MMD2: variants seen among roughly 807,000 people sequenced by gnomAD.
MMD2 encodes the protein monocyte to macrophage differentiation factor 2.
MMD2 carries 30 observed loss-of-function variants against 33.5 expected under a neutral mutation model. The ratio of observed to expected loss-of-function variants is 0.90; its 90% CI spans 0.67 to 1.22. MMD2 has a LOEUF of 1.22. Among genes scored for constraint, MMD2 ranks in the 50% most tolerant of loss-of-function variants. The probability of loss-of-function intolerance (pLI) is 0.00; values close to 1 mark genes in which losing one functional copy is unlikely to be tolerated. For synonymous variants in MMD2, 129 were observed against 123.0 expected, an observed-to-expected ratio of 1.05 and a Z score of -0.32; for missense variants, 364 against 325.4, an observed-to-expected ratio of 1.12 and a Z score of -0.91.
Position 4,959,149 on chromosome 7 carries a change from G to A in MMD2, c.-132C>T. On this transcript the variant is annotated 5_prime_UTR_variant, in exon 1 of 7. Transcript: ENST00000401401. Reference sequence around the variant, plus strand: ...GCCAAGGGGACCTGGTCGGCGCCCGGAGCCGGAGCCGGAGCCCGAGCCGGA... The same window carrying A: ...GCCAAGGGGACCTGGTCGGCGCCCGAAGCCGGAGCCGGAGCCCGAGCCGGA... The A allele has an allele frequency of 1.6e-6, 1 of 607,816 alleles. No individual in the cohort carries two copies. The highest frequency in any genetic ancestry group is 2.3e-6 in the Non-Finnish European group (1 of 429,228). 37.7% of individuals were successfully genotyped at this position (607,816 alleles called of 1,614,324 possible).
chr7:4,931,522 A>G (rs950363530), intron 1 of MMD2, among the ~76,000 whole-genome samples: 3 of 152,118 alleles, frequency 2.0e-5, no homozygotes, highest in Admixed American at 6.6e-5. Context: ...GTGTGATCAC[A>G]GCTCACTGCA....
chr7:4,952,008 C>A (rs1197289133), intron 1 of MMD2, among the ~76,000 whole-genome samples: 1 of 152,144 alleles, frequency 6.6e-6, no homozygotes. Flanking sequence ...AGTGCTGGGA[C>A]TACAGGCTTG....
chr7:4,938,946 G>C (rs528431687), intron 1 of MMD2, among the ~76,000 whole-genome samples: 2 of 151,982 alleles, frequency 1.3e-5, no homozygotes, highest in South Asian at 4.1e-4. Context: ...GATGGCTCAC[G>C]TCTGTAATCC....
At chr7:4,924,883 G>A (rs1344507739) in intron 2 of MMD2, among the ~76,000 whole-genome samples, 2 of 152,134 alleles carry the variant, frequency 1.3e-5, no homozygotes, top group Non-Finnish European at 2.9e-5. Context: ...GAGCTTGCTA[G>A]AGTGACAGGA....
At chr7:4,932,312 G>A (rs7782238) in intron 1 of MMD2, among the ~76,000 whole-genome samples, 31,226 of 151,956 alleles carry the variant, frequency 0.21, 4,244 homozygotes, top group African/African-American at 0.38. Flanking sequence ...CTGAAGACCC[G>A]AGCACTTTCC....
chr7:4,956,582 T>A (rs1382988381), intron 1 of MMD2, among the ~76,000 whole-genome samples: 1 of 152,232 alleles, frequency 6.6e-6, no homozygotes, highest in East Asian at 1.9e-4. Flanking sequence ...AGAAGCTGCA[T>A]TGGCCCAAGC....
At chr7:4,934,859 A>G (rs1785693827) in intron 1 of MMD2, among the ~76,000 whole-genome samples, 1 of 152,194 alleles carries the variant, frequency 6.6e-6, no homozygotes, top group African/African-American at 2.4e-5. Context: ...TGTAAACGGG[A>G]ATAATATTAC....
chr7:4,949,310 C>G (rs890280134), intron 1 of MMD2, among the ~76,000 whole-genome samples: 3 of 152,024 alleles, frequency 2.0e-5, no homozygotes, highest in Non-Finnish European at 4.4e-5. Context: ...CCTTAACCAT[C>G]CCAACCTCCC....
At chr7:4,942,371 A>G (rs1785934160) in intron 1 of MMD2, among the ~76,000 whole-genome samples, 1 of 151,816 alleles carries the variant, frequency 6.6e-6, no homozygotes, top group Admixed American at 6.6e-5. Flanking sequence ...AAGTGCTGGG[A>G]TTACAGGTGT....
intron 2 of MMD2, among the ~76,000 whole-genome samples, chr7:4,924,612 A>G (rs1785374753): frequency 6.6e-6 from 1 of 152,128 alleles, no homozygotes; most frequent in African/African-American, 2.4e-5. Flanking sequence ...ATGGCTGGGG[A>G]GGCAGGCACT....
At chr7:4,895,815 T>G in the MMD2 span, among the ~76,000 whole-genome samples, 1 of 151,818 alleles carries the variant, frequency 6.6e-6, no homozygotes, top group Non-Finnish European at 1.5e-5. Context: ...ATTACAGGCG[T>G]GAACCACCGC....
chr7:4,930,112 A>G (rs1399524443), intron 1 of MMD2, among the ~76,000 whole-genome samples: 1 of 151,506 alleles, frequency 6.6e-6, no homozygotes, highest in Non-Finnish European at 1.5e-5. Flanking sequence ...TACTAAAAAT[A>G]CAAAAAAAAT....
rs761881427 is a variant in MMD2 at position 4,909,903 on chromosome 7, G to A, written c.515C>T (p.Pro172Leu). 6.2e-7 allele frequency: 1 copy of A among 1,613,742 alleles called. No homozygotes were observed. The highest frequency in any genetic ancestry group is 8.5e-7 in the Non-Finnish European group (1 of 1,179,782). The change falls in exon 6 of 7, where the codon CCC becomes CTC. Residue 172 changes from proline to leucine, a missense_variant. Pro to Leu is a moderately conservative substitution (Grantham distance 98). Coordinates refer to ENST00000401401, the MANE Select transcript of MMD2 (RefSeq NM_198403.4). ...TACCATGGAGAGGATGACCAGGGCG[G>A]GGAAGAAGCCCATTACGACGTAGCA... ...LLCYVVMGFF[P>L]ALVILSMPNT...
At chr7:4,958,080 G>A (rs1786435698) in intron 1 of MMD2, among the ~76,000 whole-genome samples, 1 of 152,104 alleles carries the variant, frequency 6.6e-6, no homozygotes, top group African/African-American at 2.4e-5. Context: ...ACGAAGGCAG[G>A]GGACCCCAGG....
intron 1 of MMD2, among the ~76,000 whole-genome samples, chr7:4,955,957 G>A (rs528676852): frequency 6.2e-4 from 95 of 152,172 alleles, no homozygotes; most frequent in African/African-American, 2.2e-3. Flanking sequence ...GGAGGCTGAG[G>A]CAGGAGAATC....
intron 3 of MMD2, among the ~76,000 whole-genome samples, chr7:4,916,651 G>A (rs1785152072): frequency 6.6e-6 from 1 of 152,018 alleles, no homozygotes; most frequent in African/African-American, 2.4e-5. Context: ...CTAAAGTGCT[G>A]GGATTACAAG....
intron 1 of MMD2, among the ~76,000 whole-genome samples, chr7:4,936,761 G>A (rs1785751227): frequency 6.6e-6 from 1 of 151,956 alleles, no homozygotes; most frequent in Admixed American, 6.6e-5. Context: ...TTGAGACAAA[G>A]TTTCAGTCTG....
At chr7:4,945,682 C>T (rs935297838) in intron 1 of MMD2, among the ~76,000 whole-genome samples, 3 of 152,128 alleles carry the variant, frequency 2.0e-5, no homozygotes, top group African/African-American at 7.2e-5. Context: ...TCAAACGATT[C>T]TCCTGCCTCA....
chr7:4,911,291 C>T (rs1028316532), intron 4 of MMD2, 45 bp from the exon 5 acceptor site: 4 of 1,482,372 alleles, frequency 2.7e-6, no homozygotes, highest in Non-Finnish European at 1.8e-6. Context: ...GGGGGCCCAC[C>T]AGGACCCCGG....
Sources: allele counts gnomAD v4.1 joint callset (sites outside exome capture counted in the v4.1 genomes callset), GRCh38; gene constraint gnomAD v4.1.1; transcripts MANE v1.5; gene names NCBI Gene and HGNC (gene_info 2026-07-23, HGNC 2026-07-21).